Variants in NME7 observed in about 807,000 individuals in gnomAD.
NME7 encodes the protein nucleoside diphosphate kinase 7.
Under a neutral mutation model 49.1 loss-of-function variants are expected in NME7, and 41 were observed. The observed-to-expected ratio is 0.83, with a 90% confidence interval of 0.65 to 1.08. The LOEUF is 1.08. Ranked by LOEUF, NME7 falls within the 50% of genes least tolerant of loss-of-function variation. The probability of loss-of-function intolerance (pLI) is 0.00; values close to 1 mark genes in which losing one functional copy is unlikely to be tolerated. For missense variants in NME7, 423 were observed against 463.4 expected, an observed-to-expected ratio of 0.91 and a Z score of 0.80; for synonymous variants, 139 against 150.6, an observed-to-expected ratio of 0.92 and a Z score of 0.56.
chr1:169,340,439 G>A (rs115548951), intron 1 of NME7, among the ~76,000 whole-genome samples: 2,071 of 152,232 alleles, frequency 0.014, 52 homozygotes, highest in African/African-American at 0.047. Context: ...CCCAGTTTCA[G>A]GTATTCTTTA....
intron 5 of NME7, among the ~76,000 whole-genome samples, chr1:169,299,098 T>G (rs1322708611): frequency 6.6e-6 from 1 of 152,186 alleles, no homozygotes; most frequent in East Asian, 1.9e-4. Context: ...AGGATTTTCC[T>G]TTTTATTTAC....
intron 7 of NME7, among the ~76,000 whole-genome samples, chr1:169,244,059 A>G (rs561390267): frequency 7.3e-4 from 111 of 152,220 alleles, no homozygotes; most frequent in African/African-American, 2.5e-3. Context: ...AAATATACAT[A>G]TGTGTATATA....
At chr1:169,147,710 G>A (rs549390995) in intron 11 of NME7, among the ~76,000 whole-genome samples, 177 of 152,250 alleles carry the variant, frequency 1.2e-3, no homozygotes, top group African/African-American at 4.0e-3. Context: ...TATCAAATTC[G>A]TAACTATATC....
At chr1:169,141,612 C>A (rs922255155) in intron 11 of NME7, among the ~76,000 whole-genome samples, 2 of 152,154 alleles carry the variant, frequency 1.3e-5, no homozygotes, top group Non-Finnish European at 2.9e-5. Flanking sequence ...GTACTCTTTA[C>A]AAGAAAAACA....
chr1:169,283,114 A>G (rs1316468397), intron 7 of NME7, among the ~76,000 whole-genome samples: 6 of 152,150 alleles, frequency 3.9e-5, no homozygotes, highest in Non-Finnish European at 8.8e-5. Flanking sequence ...CATGTACTTT[A>G]TGAATCTGGG....
intron 1 of NME7, among the ~76,000 whole-genome samples, chr1:169,342,575 AG>A (rs1652763533): frequency 2.9e-5 from 3 of 103,638 alleles, no homozygotes; most frequent in South Asian, 2.7e-4. Flanking sequence ...ACATATATAT[AG>A]TATATATATA....
intron 1 of NME7, among the ~76,000 whole-genome samples, chr1:169,338,854 G>C (rs1652578092): frequency 6.6e-6 from 1 of 152,124 alleles, no homozygotes; most frequent in African/African-American, 2.4e-5. Flanking sequence ...AAATGATGTT[G>C]ACTTGTTAAG....
At chr1:169,288,304 C>T (rs545710832) in intron 6 of NME7, among the ~76,000 whole-genome samples, 1 of 152,242 alleles carries the variant, frequency 6.6e-6, no homozygotes, top group South Asian at 2.1e-4. Flanking sequence ...ATGTCTGGCT[C>T]AATGCAAATA....
In NME7 at chr1:169,287,421, A is replaced by T; in HGVS notation, c.649-13T>A. 1 of 1,562,324 alleles carries T rather than the reference A, an allele frequency of 6.4e-7. No homozygotes were observed. On this transcript the variant is annotated splice_polypyrimidine_tract_variant and intron_variant, in intron 6 of 11. Transcript: ENST00000367811. ...ACAACTCCATTTCCTAAAGACAGAG[A>T]GAAATGATTTTGACAAATGTGATCT...
chr1:169,361,672 C>T (rs371552901), intron 1 of NME7, among the ~76,000 whole-genome samples: 82 of 151,546 alleles, frequency 5.4e-4, no homozygotes, highest in African/African-American at 1.9e-3. Context: ...CCCAGCTACT[C>T]GGGAGGCTGG....
chr1:169,289,050 C>T (rs1650393071), intron 6 of NME7, among the ~76,000 whole-genome samples: 1 of 152,126 alleles, frequency 6.6e-6, no homozygotes, highest in Non-Finnish European at 1.5e-5. Context: ...TCCTCTCCTA[C>T]AGTCTCTTTT....
At chr1:169,230,550 G>A (rs59028370) in intron 10 of NME7, among the ~76,000 whole-genome samples, 168 bp downstream of exon 10, 2,202 of 152,138 alleles carry the variant, frequency 0.014, 48 homozygotes, top group African/African-American at 0.048. Flanking sequence ...ATCTTTCTTG[G>A]AATGTTATGT....
rs560841309 is a variant in NME7, at chr1:169,271,173, G to A, written c.754+16130C>T. Among the ~76,000 whole-genome samples the A allele has an allele frequency of 6.0e-5, 8 of 133,770 alleles. No homozygotes were observed. The East Asian group carries it at 1.6e-3, about 27-fold the overall frequency. The allele number at this position is 133,770 out of a possible 152,430, so 87.8% of individuals were successfully genotyped here. A position where few individuals can be genotyped will look rare whatever the true frequency, so the allele number is the denominator to read the frequency against. ...GTTCTAGCTCTCTTAGAAATGAGAAGTGAAACCACTGCATCCACATAGATT... is the reference window on the plus strand; with the variant it reads ...GTTCTAGCTCTCTTAGAAATGAGAAATGAAACCACTGCATCCACATAGATT... On this transcript the variant is annotated intron_variant, in intron 7 of 11. Transcript: ENST00000367811.
At chr1:169,342,516 TAG>T in intron 1 of NME7, among the ~76,000 whole-genome samples, 1 of 106,580 alleles carries the variant, frequency 9.4e-6, no homozygotes, top group Non-Finnish European at 2.1e-5. Context: ...CATATATATA[TAG>T]TATATATATA....
intron 10 of NME7, among the ~76,000 whole-genome samples, chr1:169,218,908 A>G (rs918550549): frequency 2.6e-5 from 4 of 152,186 alleles, no homozygotes; most frequent in African/African-American, 9.7e-5. Context: ...TCCTTAAGAT[A>G]AATGCCCTGG....
At chr1:169,194,763 G>C (rs1053604997) in intron 10 of NME7, among the ~76,000 whole-genome samples, 8 of 152,130 alleles carry the variant, frequency 5.3e-5, no homozygotes, top group African/African-American at 1.9e-4. Context: ...CAGAGAAGCA[G>C]GCAAAGTCAA....
intron 4 of NME7, 166 bp from the exon 5 acceptor site, chr1:169,303,361 ATTT>A (rs1424603693): frequency 2.9e-6 from 1 of 343,552 alleles, no homozygotes; most frequent in Non-Finnish European, 5.2e-6. Context: ...CTTTTAAAAT[ATTT>A]TTTAAGTATG....
In NME7 at chr1:169,191,001, A is replaced by C. The variant is rs1660210569; in HGVS notation, c.991-21447T>G. ...CTAATTTTTTGTATTTTTAGTAGAG[A>C]CAGGGTTTCACCGTTTTAGCCGGGA... On this transcript the variant is annotated intron_variant, in intron 10 of 11. Transcript: ENST00000367811. Among the ~76,000 whole-genome samples the C allele has an allele frequency of 1.7e-5, 2 of 116,706 alleles. 1 individual carries two copies. The highest frequency in any genetic ancestry group is 3.8e-5 in the Non-Finnish European group (2 of 53,072). The allele number at this position is 116,706 out of a possible 152,430, so 76.6% of individuals were successfully genotyped here.
chr1:169,280,103 T>C (rs1649942279), intron 7 of NME7, among the ~76,000 whole-genome samples: 1 of 152,236 alleles, frequency 6.6e-6, no homozygotes. Context: ...TTCCCATTTT[T>C]CCACAACCTC....
Sources: allele counts gnomAD v4.1 joint callset (sites outside exome capture counted in the v4.1 genomes callset), GRCh38; gene constraint gnomAD v4.1.1; transcripts MANE v1.5; gene names NCBI Gene and HGNC (gene_info 2026-07-23, HGNC 2026-07-21).